Variants in PTAFR observed in about 807,000 individuals in gnomAD.
PTAFR encodes the protein platelet activating factor receptor.
Under a neutral mutation model 14.7 loss-of-function variants are expected in PTAFR, and 8 were observed. The ratio of observed to expected loss-of-function variants is 0.54; its 90% CI spans 0.32 to 0.98. The LOEUF is 0.98. PTAFR is among the 50% of genes least tolerant of loss of function. The probability of loss-of-function intolerance (pLI) is 0.04; values close to 1 mark genes in which losing one functional copy is unlikely to be tolerated. For synonymous variants in PTAFR, 156 were observed against 176.5 expected, an observed-to-expected ratio of 0.88 and a Z score of 0.92; for missense variants, 337 against 451.2, an observed-to-expected ratio of 0.75 and a Z score of 2.29.
At chr1:28,184,759 C>A (rs1347943021) in intron 1 of PTAFR, among the ~76,000 whole-genome samples, 1 of 152,130 alleles carries the variant, frequency 6.6e-6, no homozygotes, top group African/African-American at 2.4e-5. Flanking sequence ...CCTTCCTCAG[C>A]CTCTCAAGTA....
intron 1 of PTAFR, among the ~76,000 whole-genome samples, chr1:28,189,409 C>T (rs926341175): frequency 5.3e-5 from 8 of 151,692 alleles, no homozygotes; most frequent in African/African-American, 1.7e-4. Context: ...GTCAGGAGTT[C>T]GAGACCAGCC....
At chr1:28,174,379 C>T (rs903942815) in intron 1 of PTAFR, among the ~76,000 whole-genome samples, 4 of 152,030 alleles carry the variant, frequency 2.6e-5, no homozygotes, top group African/African-American at 9.7e-5. Flanking sequence ...CCTTCACAGG[C>T]CTGGGGTGGG....
At chr1:28,167,037 A>T (rs1189340470) in intron 1 of PTAFR, among the ~76,000 whole-genome samples, 1 of 152,170 alleles carries the variant, frequency 6.6e-6, no homozygotes, top group Non-Finnish European at 1.5e-5. Context: ...AAGCCTCATG[A>T]CATTGGAATG....
chr1:28,174,826 A>C (rs1393676543), intron 1 of PTAFR, among the ~76,000 whole-genome samples: 1 of 152,226 alleles, frequency 6.6e-6, no homozygotes, highest in African/African-American at 2.4e-5. Flanking sequence ...GGAATTCATC[A>C]GTCCCCTTTG....
intron 1 of PTAFR, among the ~76,000 whole-genome samples, chr1:28,151,853 T>A (rs556805672): frequency 2.4e-4 from 36 of 152,252 alleles, no homozygotes; most frequent in African/African-American, 8.4e-4. Context: ...CCTCCAGAAC[T>A]ATGAGAAATA....
At chr1:28,174,283 C>G (rs991182946) in intron 1 of PTAFR, among the ~76,000 whole-genome samples, 1 of 152,078 alleles carries the variant, frequency 6.6e-6, no homozygotes, top group Admixed American at 6.5e-5. Flanking sequence ...TCTCTGAGGT[C>G]CAAGCCTCCA....
chr1:28,156,977 C>T (rs1395312018), intron 1 of PTAFR, among the ~76,000 whole-genome samples: 1 of 152,188 alleles, frequency 6.6e-6, no homozygotes, highest in Non-Finnish European at 1.5e-5. Flanking sequence ...TTGCCCATCA[C>T]AAAATGCCTT....
intron 1 of PTAFR, among the ~76,000 whole-genome samples, chr1:28,151,757 T>G (rs908948189): frequency 6.6e-6 from 1 of 152,206 alleles, no homozygotes; most frequent in African/African-American, 2.4e-5. Flanking sequence ...TTTTGCCATG[T>G]GAGGTCACAG....
intron 1 of PTAFR, among the ~76,000 whole-genome samples, chr1:28,163,631 C>A (rs780975563): frequency 1.3e-4 from 20 of 152,196 alleles, no homozygotes; most frequent in Admixed American, 5.2e-4. Flanking sequence ...CAAAATCTTA[C>A]AATCCTAACA....
chr1:28,165,741 CCACTG>C (rs1455208953), intron 1 of PTAFR, among the ~76,000 whole-genome samples: 1 of 151,996 alleles, frequency 6.6e-6, no homozygotes, highest in African/African-American at 2.4e-5. Flanking sequence ...CGAGATCGTG[CCACTG>C]CACTCCAGCC....
At chr1:28,171,152 A>T (rs1372125250) in intron 1 of PTAFR, among the ~76,000 whole-genome samples, 1 of 151,676 alleles carries the variant, frequency 6.6e-6, no homozygotes, top group African/African-American at 2.4e-5. Context: ...ACGAAACCCC[A>T]TATCTACTAA....
chr1:28,187,474 G>A (rs1190366464), intron 1 of PTAFR, among the ~76,000 whole-genome samples: 1 of 152,066 alleles, frequency 6.6e-6, no homozygotes, highest in African/African-American at 2.4e-5. Flanking sequence ...GAAGAAAATA[G>A]AGTTGAATAT....
In PTAFR at chr1:28,189,519, A is replaced by G. The variant is rs561750257; in HGVS notation, c.-39+4203T>C. ...TCCCAGCTACTCATGAGGCTGAGGC[A>G]GGAGAATCGCTTGAACCCAGGAGGT... On this transcript the variant is annotated intron_variant, in intron 1 of 1. Transcript: ENST00000305392. 2.6e-5 allele frequency among the ~76,000 whole-genome samples: 4 copies of G among 151,970 alleles called. No homozygotes were observed. The South Asian group carries it at 8.4e-4, about 32-fold the overall frequency.
intron 1 of PTAFR, among the ~76,000 whole-genome samples, chr1:28,167,648 T>TA (rs1416939021): frequency 2.2e-5 from 3 of 136,382 alleles, no homozygotes; most frequent in African/African-American, 8.5e-5. Flanking sequence ...TTTTTTTTTT[T>TA]TTTTTTTTTT....
chr1:28,149,923 A>G lies in PTAFR; in HGVS notation c.*70T>C. 1 of 1,536,768 alleles carries G rather than the reference A, an allele frequency of 6.5e-7. No individual in the cohort carries two copies. On this transcript the variant is annotated 3_prime_UTR_variant, in exon 2 of 2. Transcript: ENST00000373857. Reference sequence around the variant, plus strand: ...AGAGGTGGTGCCCAGACCACAGTAGATATCCCTTCTTCCCCCAGCTCAGTC... The same window carrying G: ...AGAGGTGGTGCCCAGACCACAGTAGGTATCCCTTCTTCCCCCAGCTCAGTC...
intron 1 of PTAFR, among the ~76,000 whole-genome samples, chr1:28,165,412 A>G (rs1278232361): frequency 6.7e-6 from 1 of 150,004 alleles, no homozygotes; most frequent in Non-Finnish European, 1.5e-5. Flanking sequence ...TCAAAAAAAA[A>G]AAAAAAAAAA....
chr1:28,188,817 A>G (rs1373409542), intron 1 of PTAFR, among the ~76,000 whole-genome samples: 1 of 152,244 alleles, frequency 6.6e-6, no homozygotes, highest in Non-Finnish European at 1.5e-5. Flanking sequence ...CAGGCATTGC[A>G]TAATATAAAT....
intron 1 of PTAFR, among the ~76,000 whole-genome samples, chr1:28,191,301 C>T (rs1557700513): frequency 1.3e-5 from 2 of 152,226 alleles, no homozygotes; most frequent in African/African-American, 2.4e-5. Flanking sequence ...TTGGAAGAAG[C>T]CCTAGATGAG....
chr1:28,192,739 C>G (rs932361311), intron 1 of PTAFR, among the ~76,000 whole-genome samples: 1 of 151,426 alleles, frequency 6.6e-6, no homozygotes, highest in Admixed American at 6.6e-5. Context: ...CTCCGCTTCT[C>G]GGGTTCAAGT....
Sources: gnomAD v4.1 joint callset for allele counts (sites outside exome capture counted in the v4.1 genomes callset) on GRCh38, gnomAD v4.1.1 for gene constraint, MANE v1.5 for transcripts, NCBI Gene and HGNC (gene_info 2026-07-23, HGNC 2026-07-21) for gene names.